The following DUOX2 variants were observed in gnomAD, a reference collection of about 807,000 sequenced individuals.
DUOX2 encodes the protein NADH/NADPH thyroid oxidase p138-tox.
A neutral mutation model predicts 183.3 loss-of-function variants in DUOX2; 185 were observed. That is an observed-to-expected ratio of 1.01 (90% confidence interval 0.90 to 1.14). The LOEUF is 1.14. DUOX2 is among the 50% of genes most tolerant of loss of function. DUOX2 has a pLI of 0.00. For missense variants in DUOX2, 1,999 were observed against 2,022.9 expected (o/e 0.99, Z 0.23); for synonymous variants, 788 against 812.4 (o/e 0.97, Z 0.51).
At chr15:45,094,376 G>T in intron 33 of DUOX2, 104 bp from the exon 34 acceptor site, 1 of 1,581,688 alleles carries the variant, frequency 6.3e-7, no homozygotes, top group Non-Finnish European at 8.6e-7. Flanking sequence ...AAGGCTTCAA[G>T]CCCAGGCCTT....
rs746276205 is a variant in DUOX2, at chr15:45,097,253, C to T, written c.3832G>A (p.Glu1278Lys). The change falls in exon 29 of 34, where the codon GAG (glutamate) becomes AAG (lysine). Residue 1278 changes from glutamate (E) to lysine (K), a missense_variant. This residue lies in a region of DUOX2 where 1,628 missense variants were observed against 1,608.6 expected (regional missense o/e 1.01). Coordinates refer to ENST00000389039, the MANE Select transcript of DUOX2 (RefSeq NM_001363711.2). Reference protein sequence around the residue: ...KKVEISVVKAELLPSGVTYLQ... With the variant: ...KKVEISVVKAKLLPSGVTYLQ... The stretch of plus-strand genomic sequence containing the variant: ...GGCCTGATACCTGAGGGCAGCAGCT[C>T]CGCCTTCACCACGCTGATCTCCACC... 1 of 1,614,198 alleles carries T rather than the reference C, an allele frequency of 6.2e-7. No homozygotes were observed. Among genetic ancestry groups the T allele is most frequent in the Non-Finnish European group, 8.5e-7 (1 of 1,180,046 alleles).
At position 45,100,054 on chromosome 15, in the gene DUOX2, A is replaced by C. The variant is rs370315886; in HGVS notation, c.3180T>G (p.Ala1060=). ...AICVGVFADR[A]YYYGFASPPS... is the part of the protein sequence containing the mutation. ...CCCACAGCCTGGAACTCTTACAGTA[A>C]GCACGATCTGCAAACACGCCAACAC... The change falls in exon 24 of 34, where the codon GCT becomes GCG. Residue 1060 remains alanine (A), a synonymous_variant. Transcript: ENST00000389039. 6.2e-7 allele frequency: 1 copy of C among 1,614,236 alleles called. No homozygotes were observed. The highest frequency in any genetic ancestry group is 1.7e-5 in the Admixed American group (1 of 60,034).
chr15:45,094,245 C>A lies in DUOX2; in HGVS notation c.4552G>T (p.Gly1518Cys). The change falls in exon 34 of 34, where the codon GGC becomes TGC. Residue 1518 changes from glycine to cysteine, a missense_variant. By Grantham distance (159) the Gly-to-Cys change is radical. Around this residue, in one of 3 missense-constraint regions of DUOX2, gnomAD observed 1,628 missense variants for 1,608.6 expected, o/e 1.01. Transcript: ENST00000389039. The stretch of plus-strand genomic sequence containing the variant: ...ACATTCTTGGTCATTCCTGGAGGGC[C>A]GCAGCTGAACACCCCGATCTTGCGC... Reference protein sequence around the residue: ...QVRKIGVFSCGPPGMTKNVEK... With the variant: ...QVRKIGVFSCCPPGMTKNVEK... The A allele has an allele frequency of 2.5e-6, 4 of 1,614,074 alleles. No homozygotes were observed. Among genetic ancestry groups the A allele is most frequent in the Non-Finnish European group, 3.4e-6 (4 of 1,180,010 alleles).
Position 45,097,280 on chromosome 15 carries a change from T to C in DUOX2, c.3805A>G (p.Lys1269Glu). 1 of 1,614,254 alleles carries C rather than the reference T, an allele frequency of 6.2e-7. No individual in the cohort carries two copies. Among genetic ancestry groups the C allele is most frequent in the South Asian group, 1.1e-5 (1 of 91,086 alleles). The change falls in exon 29 of 34, where the codon AAG (lysine) becomes GAG (glutamate). Residue 1269 changes from lysine (K) to glutamate (E), a missense_variant. Lys to Glu is a moderately conservative substitution (Grantham distance 56). Coordinates refer to ENST00000389039, the MANE Select transcript of DUOX2 (RefSeq NM_001363711.2). ...GDKLVSLSRK[K>E]VEISVVKAEL... ...GCCTTCACCACGCTGATCTCCACCT[T>C]CTTCCGGCTCAGGCTCACCAGCTTG... is the stretch of plus-strand genomic sequence containing the variant.
At chr15:45,095,629 ACCCTGCCCCAGCT>A (rs1423424600) in intron 30 of DUOX2, 34 bp from the exon 31 acceptor site, 1 of 1,613,916 alleles carries the variant, frequency 6.2e-7, no homozygotes, top group African/African-American at 1.3e-5. Context: ...AATGAGCCTG[ACCCTGCCCCAGCT>A]CTGAGACCAG....
At position 45,108,162 on chromosome 15, in the gene DUOX2, C is replaced by G; in HGVS notation, c.1459G>C (p.Gly487Arg). 1 of 1,614,172 alleles carries G rather than the reference C, an allele frequency of 6.2e-7. No homozygotes were observed. The highest frequency in any genetic ancestry group is 8.5e-7 in the Non-Finnish European group (1 of 1,180,012). Residue 487 changes from glycine to arginine, a missense_variant, in exon 13 of 34, where the codon GGG becomes CGG. Gly to Arg is a moderately radical substitution (Grantham distance 125). This residue lies in a region of DUOX2 where 1,628 missense variants were observed against 1,608.6 expected (regional missense o/e 1.01). Transcript: ENST00000389039. ...TCCCCATGGCTCTCCAGGAGCCCCCCAAGGAGCAGCTCTAGCTGGGATAGG... is the reference window on the plus strand; with the variant it reads ...TCCCCATGGCTCTCCAGGAGCCCCCGAAGGAGCAGCTCTAGCTGGGATAGG... ...QDLSQLELLL[G>R]GLLESHGDPG...
rs370575305 is a variant in DUOX2, at chr15:45,105,800, C to T, written c.2177G>A (p.Arg726Gln). 1.2e-5 allele frequency: 20 copies of T among 1,614,060 alleles called. No homozygotes were observed. The highest frequency in any genetic ancestry group is 1.1e-4 in the African/African-American group (8 of 74,944). Residue 726 changes from arginine to glutamine, a missense_variant, in exon 18 of 34, where the codon CGG becomes CAG. By Grantham distance (43) the Arg-to-Gln change is conservative (BLOSUM62 1). Transcript: ENST00000389039. ...CCATAGCTGCTGCACAAAGGCGCCCCGTTCCTCTTCAGAACTAAACAGCAG... is the reference window on the plus strand; with the variant it reads ...CCATAGCTGCTGCACAAAGGCGCCCTGTTCCTCTTCAGAACTAAACAGCAG... Reference protein sequence around the residue: ...LVLLFSSEEERGAFVQQLWDF... With the variant: ...LVLLFSSEEEQGAFVQQLWDF...
At chr15:45,112,846 C>G in intron 3 of DUOX2, 128 bp from the exon 4 acceptor site, 2 of 1,551,038 alleles carry the variant, frequency 1.3e-6, no homozygotes, top group South Asian at 2.2e-5. Flanking sequence ...GGTCTCTTGG[C>G]CCCGGGAGCG....
At chr15:45,095,328 TC>T (rs1438550055) in intron 31 of DUOX2, 108 bp downstream of exon 31, 2 of 1,541,752 alleles carry the variant, frequency 1.3e-6, no homozygotes, top group Non-Finnish European at 1.8e-6. Context: ...AATGACCCCT[TC>T]AGACTCAGTT....
chr15:45,096,007 G>A lies in DUOX2; in HGVS notation c.3901C>T (p.Gln1301Ter), dbSNP rs768210021. The change falls in exon 30 of 34, where the codon CAG becomes TAG. Residue 1301 changes from glutamine to a stop codon, truncating the protein, a stop_gained. Coordinates refer to ENST00000389039, the MANE Select transcript of DUOX2 (RefSeq NM_001363711.2). LOFTEE classifies it high-confidence loss of function. ...RPQGFEYKSG[Q>*]WVRIACLALG... is the part of the protein sequence containing the mutation. ...GCCAGGCAGGCGATCCGCACCCACT[G>A]TCCTGACTTGTACTCAAAGCCTTGG... is the stretch of plus-strand genomic sequence containing the variant. 103 of 1,614,142 alleles carry A rather than the reference G, an allele frequency of 6.4e-5. No individual in the cohort carries two copies. Among genetic ancestry groups the A allele is most frequent in the Admixed American group, 8.3e-5 (5 of 60,018 alleles).
Position 45,093,315 on chromosome 15 carries a change from G to A in DUOX2, c.*835C>T, listed in dbSNP as rs1353904687. The A allele has an allele frequency of 6.6e-6, 1 of 152,278 alleles. No individual in the cohort carries two copies. Among genetic ancestry groups the A allele is most frequent in the East Asian group, 1.9e-4 (1 of 5,194 alleles). 9.4% of individuals were successfully genotyped at this position (152,278 alleles called of 1,614,324 possible). A position where few individuals can be genotyped will look rare whatever the true frequency, so the allele number is the denominator to read the frequency against. On this transcript the variant is annotated 3_prime_UTR_variant, in exon 34 of 34. Transcript: ENST00000389039. Reference sequence around the variant, plus strand: ...GATCGAGTACTGAATATCTGGCAGAGAGGCTGGAATCCTTCAGCCCCAGAG... The same window carrying A: ...GATCGAGTACTGAATATCTGGCAGAAAGGCTGGAATCCTTCAGCCCCAGAG...
rs1894187992 is a variant in DUOX2, at chr15:45,105,558, T to C, written c.2334+85A>G. 6.5e-6 allele frequency: 10 copies of C among 1,535,286 alleles called. No homozygotes were observed. The South Asian group carries it at 1.1e-4, about 17-fold the overall frequency. On this transcript the variant is annotated intron_variant, in intron 18 of 33. Transcript: ENST00000389039. ...TCCAGGCCATAGAGCGGAAGCTTAG[T>C]TCACCCACAGGGGCGTTCTATGCAG...
Position 45,104,069 on chromosome 15 carries a change from G to A in DUOX2, c.2561-16C>T, listed in dbSNP as rs546684627. On this transcript the variant is annotated splice_polypyrimidine_tract_variant and intron_variant, in intron 19 of 33. Coordinates refer to ENST00000389039, the MANE Select transcript of DUOX2 (RefSeq NM_001363711.2). ...TCTGGGGAGCCTGGGAAGAAAAAAG[G>A]GAATGCAGGTCATCTCCTTGCTGAA... The A allele has an allele frequency of 1.2e-6, 2 of 1,614,096 alleles. No individual in the cohort carries two copies. Among genetic ancestry groups the A allele is most frequent in the African/African-American group, 2.7e-5 (2 of 75,028 alleles).
chr15:45,101,753 G>GC lies in DUOX2; in HGVS notation c.2851+39dup, dbSNP rs528107598. On this transcript the variant is annotated intron_variant, in intron 21 of 33. Transcript: ENST00000389039. ...CCAGGAACTCTCATTTTGAGGACAC[G>GC]CCCCCCCTCCCTGACGCCAACCATT... is the stretch of plus-strand genomic sequence containing the variant. 3.4e-4 allele frequency: 554 copies of GC among 1,613,214 alleles called. No homozygotes were observed. The African/African-American group carries it at 4.4e-3, about 13-fold the overall frequency.
At position 45,100,106 on chromosome 15, in the gene DUOX2, A is replaced by G. The variant is rs1894037493; in HGVS notation, c.3128T>C (p.Val1043Ala). The change falls in exon 24 of 34, where the codon GTG (valine) becomes GCG (alanine). Residue 1043 changes from valine (V) to alanine (A), a missense_variant. By Grantham distance (64) the Val-to-Ala change is moderately conservative. This residue lies in a region of DUOX2 where 1,628 missense variants were observed against 1,608.6 expected (regional missense o/e 1.01). Transcript: ENST00000389039. ...GATGGCCGAGAAGATTGCCACACAC[A>G]CGATGTGCCTCCGGTAGTTCTCCAC... ...RFVENYRRHI[V>A]CVAIFSAICV... 1 of 1,614,192 alleles carries G rather than the reference A, an allele frequency of 6.2e-7. No individual in the cohort carries two copies. The highest frequency in any genetic ancestry group is 8.5e-7 in the Non-Finnish European group (1 of 1,180,024).
rs1162498631 is a variant in DUOX2 at position 45,104,048 on chromosome 15, G to A, written c.2566C>T (p.Pro856Ser). 4 of 1,614,084 alleles carry A rather than the reference G, an allele frequency of 2.5e-6. No individual in the cohort carries two copies. The highest frequency in any genetic ancestry group is 3.3e-4 in the Middle Eastern group (2 of 6,062). The change falls in exon 20 of 34, where the codon CCA becomes TCA. Residue 856 changes from proline (P) to serine (S), a missense_variant. Pro to Ser is a moderately conservative substitution (Grantham distance 74). This residue lies in a region of DUOX2 where 1,628 missense variants were observed against 1,608.6 expected (regional missense o/e 1.01). Transcript: ENST00000389039. ...AACATTAGACGGGACTTATCCTCTG[G>A]GGAGCCTGGGAAGAAAAAAGGGAAT... ...DILVVFMKGS[P>S]EDKSRLMFTM...
At chr15:45,106,082 C>T (rs372319112) in intron 17 of DUOX2, 43 bp downstream of exon 17, 123 of 1,607,026 alleles carry the variant, frequency 7.7e-5, no homozygotes, top group Non-Finnish European at 9.5e-5. Flanking sequence ...ATAATGGAGT[C>T]GTGTGAGGGC....
At chr15:45,113,148 C>T in intron 2 of DUOX2, 72 bp from the exon 3 acceptor site, 4 of 1,530,438 alleles carry the variant, frequency 2.6e-6, no homozygotes, top group Non-Finnish European at 3.6e-6. Context: ...AAGGCCTTGG[C>T]CAGTCCTTCC....
rs1169190684 is a variant in DUOX2 at position 45,107,447 on chromosome 15, CCTT to C, written c.1588_1590del (p.Lys530del). ...GTGGTATTTCGGATGTCTTCAATCT[CCTT>C]CTTGGAGAACAGCCTAAGTTGGAGG... On this transcript the variant is annotated inframe_deletion, in exon 14 of 34. Coordinates refer to ENST00000389039, the MANE Select transcript of DUOX2 (RefSeq NM_001363711.2). 5 of 1,614,176 alleles carry C rather than the reference CCTT, an allele frequency of 3.1e-6. No homozygotes were observed. Among genetic ancestry groups the C allele is most frequent in the Non-Finnish European group, 3.4e-6 (4 of 1,180,038 alleles).
Sources: allele counts gnomAD v4.1 joint callset, GRCh38; gene constraint gnomAD v4.1.1; regional missense constraint gnomAD v4.1.1; transcripts MANE v1.5; gene names NCBI Gene and HGNC (gene_info 2026-07-23, HGNC 2026-07-21).